DCAF8L2: variants seen among roughly 807,000 people sequenced by gnomAD.
DCAF8L2 encodes the protein DDB1- and CUL4-associated factor 8-like protein 2.
For synonymous variants in DCAF8L2, 200 were observed against 190.9 expected (o/e 1.05, Z -0.39); for missense variants, 430 against 490.7 (o/e 0.88, Z 1.17).
the DCAF8L2 span, among the ~76,000 whole-genome samples, chrX:27,500,944 C>T: frequency 5.4e-5 from 6 of 111,210 alleles, no homozygotes; most frequent in Admixed American, 9.7e-5. Context: ...GGGAGAGGAA[C>T]GACGGCTTTC....
At chrX:27,671,999 T>C (rs1929968782) in intron 2 of DCAF8L2, among the ~76,000 whole-genome samples, 1 of 111,969 alleles carries the variant, frequency 8.9e-6, no homozygotes, top group Non-Finnish European at 1.9e-5. Context: ...CAGCCTATCT[T>C]AATATAGGAT....
At chrX:27,614,074 T>A (rs891970068) in intron 1 of DCAF8L2, among the ~76,000 whole-genome samples, 6 of 111,448 alleles carry the variant, frequency 5.4e-5, no homozygotes, top group African/African-American at 1.6e-4. Context: ...TGTGAATCCA[T>A]CTGGTCCTGG....
At chrX:27,503,858 C>G in the DCAF8L2 span, among the ~76,000 whole-genome samples, 1 of 111,246 alleles carries the variant, frequency 9.0e-6, no homozygotes. Context: ...ACTCCTCATT[C>G]GTGGTTTTAC....
chrX:27,486,300 C>G, the DCAF8L2 span, among the ~76,000 whole-genome samples: 1 of 110,091 alleles, frequency 9.1e-6, no homozygotes, highest in Non-Finnish European at 1.9e-5. Context: ...GCCACTGCAC[C>G]CAGCCAGATT....
At chrX:27,730,341 C>T (rs1049755747) in intron 4 of DCAF8L2, among the ~76,000 whole-genome samples, 1 of 112,113 alleles carries the variant, frequency 8.9e-6, no homozygotes, top group East Asian at 2.8e-4. Flanking sequence ...TTTAAGTACA[C>T]AATACAGTAT....
the DCAF8L2 span, among the ~76,000 whole-genome samples, chrX:27,564,301 A>G: frequency 1.8e-5 from 2 of 111,157 alleles, no homozygotes; most frequent in Admixed American, 9.6e-5. Flanking sequence ...TGATTCAATT[A>G]CTTCCCACAG....
chrX:27,484,906 A>G, the DCAF8L2 span, among the ~76,000 whole-genome samples: 2 of 111,901 alleles, frequency 1.8e-5, no homozygotes, highest in East Asian at 2.8e-4. Flanking sequence ...ATCCAACTGT[A>G]AAAAGGATAT....
At chrX:27,569,389 G>A in the DCAF8L2 span, among the ~76,000 whole-genome samples, 24 of 112,023 alleles carry the variant, frequency 2.1e-4, no homozygotes, top group African/African-American at 6.8e-4. Flanking sequence ...TTGAATCTGA[G>A]TCCCAACAGG....
chrX:27,651,558 G>T (rs1395700206), intron 2 of DCAF8L2, among the ~76,000 whole-genome samples: 1 of 94,718 alleles, frequency 1.1e-5, no homozygotes, highest in Non-Finnish European at 2.1e-5. Context: ...CGCCCAGGCT[G>T]GAGTGCAGTG....
intron 1 of DCAF8L2, among the ~76,000 whole-genome samples, chrX:27,601,990 T>G (rs1762038328): frequency 8.9e-6 from 1 of 111,988 alleles, no homozygotes; most frequent in African/African-American, 3.2e-5. Flanking sequence ...CAAATAACAC[T>G]TACGGATTCC....
intron 1 of DCAF8L2, among the ~76,000 whole-genome samples, chrX:27,597,470 C>A (rs1428521176): frequency 9.1e-6 from 1 of 110,448 alleles, no homozygotes; most frequent in Non-Finnish European, 1.9e-5. Flanking sequence ...GGTAAAAAGG[C>A]CAAAATAAAT....
At chrX:27,609,452 T>C (rs780279295) in intron 1 of DCAF8L2, among the ~76,000 whole-genome samples, 1 of 111,600 alleles carries the variant, frequency 9.0e-6, no homozygotes, top group Non-Finnish European at 1.9e-5. Context: ...AAATTCTGGC[T>C]ACATTTCAAC....
intron 3 of DCAF8L2, among the ~76,000 whole-genome samples, chrX:27,681,671 GTAA>G (rs1419788062): frequency 1.8e-5 from 2 of 111,722 alleles, no homozygotes; most frequent in Non-Finnish European, 3.8e-5. Context: ...CGTAGCTGAA[GTAA>G]TATATCGATT....
intron 2 of DCAF8L2, among the ~76,000 whole-genome samples, chrX:27,663,079 C>T (rs1191301436): frequency 9.0e-6 from 1 of 111,501 alleles, no homozygotes; most frequent in African/African-American, 3.3e-5. Context: ...GCAAATGGCA[C>T]ATGAAAATAA....
At chrX:27,543,177 G>C in the DCAF8L2 span, among the ~76,000 whole-genome samples, 1 of 112,145 alleles carries the variant, frequency 8.9e-6, no homozygotes, top group Non-Finnish European at 1.9e-5. Context: ...GTGAAAGGAA[G>C]GGATCAAGTT....
At chrX:27,655,957 C>T (rs1488518366) in intron 2 of DCAF8L2, among the ~76,000 whole-genome samples, 1 of 111,442 alleles carries the variant, frequency 9.0e-6, no homozygotes, top group African/African-American at 3.3e-5. Context: ...CCTCTGTCTC[C>T]TGACCCTACC....
At chrX:27,538,091 A>G in the DCAF8L2 span, among the ~76,000 whole-genome samples, 1 of 111,666 alleles carries the variant, frequency 9.0e-6, no homozygotes, top group Non-Finnish European at 1.9e-5. Context: ...TGATCTCTGA[A>G]GAGATTCAAA....
intron 1 of DCAF8L2, among the ~76,000 whole-genome samples, chrX:27,597,054 A>G (rs1156807378): frequency 8.9e-6 from 1 of 111,840 alleles, no homozygotes; most frequent in East Asian, 2.8e-4. Flanking sequence ...AAGAATACTC[A>G]CTGAAGGCCA....
the DCAF8L2 span, among the ~76,000 whole-genome samples, chrX:27,527,416 A>G: frequency 9.0e-6 from 1 of 111,298 alleles, no homozygotes; most frequent in Non-Finnish European, 1.9e-5. Context: ...TCCAGGTGCC[A>G]TCTGTCACAC....
Sources: allele counts gnomAD v4.1 joint callset (sites outside exome capture counted in the v4.1 genomes callset), GRCh38; gene constraint gnomAD v4.1.1; transcripts MANE v1.5; gene names NCBI Gene and HGNC (gene_info 2026-07-23, HGNC 2026-07-21).